SOX13: variants seen among roughly 807,000 people sequenced by gnomAD.
The protein encoded by SOX13 is transcription factor SOX-13.
In SOX13, 28 loss-of-function variants were observed where a neutral mutation model predicts 71.8. The ratio of observed to expected loss-of-function variants is 0.39; its 90% CI spans 0.29 to 0.53. The LOEUF is 0.53. Among genes scored for constraint, SOX13 ranks in the 20% least tolerant of loss-of-function variants. The pLI is 0.70. For missense variants in SOX13, 627 were observed against 810.3 expected (o/e 0.77, Z 2.75); for synonymous variants, 309 against 317.8 (o/e 0.97, Z 0.29).
At chr1:204,075,381 C>G (rs1655766210) in intron 1 of SOX13, among the ~76,000 whole-genome samples, 1 of 152,272 alleles carries the variant, frequency 6.6e-6, no homozygotes, top group African/African-American at 2.4e-5. Flanking sequence ...GGCGCAGTTG[C>G]GAGTCAGGGC....
chr1:204,095,107 C>CGGCTCA (rs1656225226), intron 1 of SOX13, among the ~76,000 whole-genome samples: 1 of 152,162 alleles, frequency 6.6e-6, no homozygotes, highest in Non-Finnish European at 1.5e-5. Context: ...CCTCCTTCCA[C>CGGCTCA]GGCCCTGAGC....
At chr1:204,106,250 T>A (rs1656467713) in intron 1 of SOX13, among the ~76,000 whole-genome samples, 1 of 152,102 alleles carries the variant, frequency 6.6e-6, no homozygotes, top group East Asian at 1.9e-4. Context: ...AGGAAGAGCT[T>A]AGACCCAAGG....
chr1:204,105,795 G>A lies in SOX13; in HGVS notation c.-1-7120G>A, dbSNP rs112901681. 9.1e-3 allele frequency among the ~76,000 whole-genome samples: 1,382 copies of A among 152,284 alleles called. 8 individuals carry two copies. Among genetic ancestry groups the A allele is most frequent in the Non-Finnish European group, 0.014 (941 of 68,020 alleles). ...TGTTTATAAAATGTGTTGAGGTTGG[G>A]CAAGAGAGGAAACTGGGCACGCAGG... On this transcript the variant is annotated intron_variant, in intron 1 of 13. Transcript: ENST00000367204.
intron 6 of SOX13, 119 bp from the exon 7 acceptor site, chr1:204,117,474 G>A: frequency 1.4e-6 from 1 of 706,428 alleles, no homozygotes; most frequent in Admixed American, 2.6e-5. Context: ...TTGGAAAACT[G>A]TCCCTGCTTT....
At chr1:204,100,443 G>T (rs937298159) in intron 1 of SOX13, among the ~76,000 whole-genome samples, 1 of 152,290 alleles carries the variant, frequency 6.6e-6, no homozygotes, top group Non-Finnish European at 1.5e-5. Flanking sequence ...TGGAAAGCGG[G>T]GTGCTGGGCA....
At position 204,123,878 on chromosome 1, in the gene SOX13, G is replaced by C. The variant is rs1656863569; in HGVS notation, c.1375+74G>C. 1 of 1,534,674 alleles carries C rather than the reference G, an allele frequency of 6.5e-7. No individual in the cohort carries two copies. Among genetic ancestry groups the C allele is most frequent in the East Asian group, 2.3e-5 (1 of 43,918 alleles). On this transcript the variant is annotated intron_variant, in intron 12 of 13. Coordinates refer to ENST00000367204, the MANE Select transcript of SOX13 (RefSeq NM_005686.3). The surrounding 1 kb of genome is among the most constrained non-coding windows in gnomAD (Gnocchi z 5.0). The stretch of plus-strand genomic sequence containing the variant: ...AGCCAGCTGGGTCTATTCAGGGCTT[G>C]CTTGGTGATATTCCATACTGTGTTG...
At position 204,073,410 on chromosome 1, in the gene SOX13, AG is replaced by A. The variant is rs1247156613; in HGVS notation, c.-300del. On this transcript the variant is annotated 5_prime_UTR_variant, in exon 1 of 14. Coordinates refer to ENST00000367204, the MANE Select transcript of SOX13 (RefSeq NM_005686.3). The surrounding 1 kb of genome is among the most constrained non-coding windows in gnomAD (Gnocchi z 6.8). ...GCCGCAAGCCCAGGGCAGAGGGCAG[AG>A]GGCAGAGAGCGGCCTGGCTCGGCGG... 1 of 152,122 alleles carries A rather than the reference AG, an allele frequency of 6.6e-6. No individual in the cohort carries two copies. Among genetic ancestry groups the A allele is most frequent in the Non-Finnish European group, 1.5e-5 (1 of 68,024 alleles). 9.4% of individuals were successfully genotyped at this position (152,122 alleles called of 1,614,324 possible).
At chr1:204,077,457 C>T (rs377478737) in intron 1 of SOX13, among the ~76,000 whole-genome samples, 23 of 152,306 alleles carry the variant, frequency 1.5e-4, no homozygotes, top group Non-Finnish European at 3.1e-4. Flanking sequence ...TTGCTGTAGA[C>T]CCTTTTGTCC....
chr1:204,112,378 T>C (rs927038954), intron 1 of SOX13, among the ~76,000 whole-genome samples: 2 of 151,606 alleles, frequency 1.3e-5, no homozygotes, highest in Non-Finnish European at 2.9e-5. Context: ...GAGGCGGAGG[T>C]TGCAGTGAGC....
intron 1 of SOX13, among the ~76,000 whole-genome samples, chr1:204,086,598 G>GC (rs773750993): frequency 2.6e-5 from 4 of 152,164 alleles, no homozygotes; most frequent in Non-Finnish European, 4.4e-5. Flanking sequence ...ACTGCACCTG[G>GC]CCTGCCTTCA....
chr1:204,105,378 C>T (rs950855242), intron 1 of SOX13, among the ~76,000 whole-genome samples: 22 of 150,894 alleles, frequency 1.5e-4, no homozygotes, highest in African/African-American at 5.4e-4. Context: ...GCTTAGCGCC[C>T]CAGCTGGCTG....
chr1:204,126,310 G>A lies in SOX13; in HGVS notation c.*176G>A, dbSNP rs115759482. ...GAGGGGAGAGGCGCCCTCCCTTCCTGAGGAGCTGTTGGCCTGGGTGGGCAG... is the reference window on the plus strand; with the variant it reads ...GAGGGGAGAGGCGCCCTCCCTTCCTAAGGAGCTGTTGGCCTGGGTGGGCAG... On this transcript the variant is annotated 3_prime_UTR_variant, in exon 14 of 14. Coordinates refer to ENST00000367204, the MANE Select transcript of SOX13 (RefSeq NM_005686.3). 1.5e-3 allele frequency: 1,086 copies of A among 708,628 alleles called. 3 individuals carry two copies. In the African/African-American group the frequency reaches 0.017, roughly 11 times the overall value. 43.9% of individuals were successfully genotyped at this position (708,628 alleles called of 1,614,324 possible). A position where few individuals can be genotyped will look rare whatever the true frequency, so the allele number is the denominator to read the frequency against.
intron 1 of SOX13, among the ~76,000 whole-genome samples, chr1:204,089,488 G>A (rs1047985788): frequency 2.6e-5 from 4 of 152,244 alleles, no homozygotes; most frequent in Non-Finnish European, 5.9e-5. Context: ...TCTTGAGGCA[G>A]CGGGGCCTGG....
chr1:204,099,749 TA>T (rs1223097831), intron 1 of SOX13, among the ~76,000 whole-genome samples: 10 of 152,162 alleles, frequency 6.6e-5, no homozygotes, highest in African/African-American at 2.4e-4. Flanking sequence ...GTGGAGATGA[TA>T]ATATGATCTA....
At chr1:204,114,907 A>C (rs1490247980) in intron 4 of SOX13, among the ~76,000 whole-genome samples, 2 of 152,190 alleles carry the variant, frequency 1.3e-5, no homozygotes, top group Non-Finnish European at 2.9e-5. Flanking sequence ...TAACCGCAAA[A>C]TGAGCAGAAA....
rs917726553 is a variant in SOX13 at position 204,123,871 on chromosome 1, A to G, written c.1375+67A>G. 65 of 1,564,382 alleles carry G rather than the reference A, an allele frequency of 4.2e-5. No individual in the cohort carries two copies. Among genetic ancestry groups the G allele is most frequent in the Middle Eastern group, 3.3e-4 (2 of 5,984 alleles). On this transcript the variant is annotated intron_variant, in intron 12 of 13. Coordinates refer to ENST00000367204, the MANE Select transcript of SOX13 (RefSeq NM_005686.3). The surrounding 1 kb of genome is among the most constrained non-coding windows in gnomAD (Gnocchi z 5.0). ...TTGCAGGAGCCAGCTGGGTCTATTC[A>G]GGGCTTGCTTGGTGATATTCCATAC...
intron 5 of SOX13, 103 bp downstream of exon 5, chr1:204,116,782 G>T (rs1656703207): frequency 6.5e-7 from 1 of 1,538,460 alleles, no homozygotes; most frequent in South Asian, 1.3e-5. Context: ...GCAAGCTGGG[G>T]CCTGGGGGCA....
At chr1:204,107,455 A>C (rs975218665) in intron 1 of SOX13, among the ~76,000 whole-genome samples, 16 of 151,788 alleles carry the variant, frequency 1.1e-4, no homozygotes, top group African/African-American at 3.6e-4. Context: ...TTTCCATCTC[A>C]CTGCCTTTCC....
At chr1:204,107,674 A>T (rs1656495613) in intron 1 of SOX13, among the ~76,000 whole-genome samples, 1 of 151,982 alleles carries the variant, frequency 6.6e-6, no homozygotes, top group Non-Finnish European at 1.5e-5. Context: ...AGGGAGGTAA[A>T]AGAGGTACCC....
Sources: gnomAD v4.1 joint callset for allele counts (sites outside exome capture counted in the v4.1 genomes callset) on GRCh38, gnomAD v4.1.1 for gene constraint, Gnocchi (gnomAD v3.1) non-coding constraint, MANE v1.5 for transcripts, NCBI Gene and HGNC (gene_info 2026-07-23, HGNC 2026-07-21) for gene names.